PALLD: variants seen among roughly 807,000 people sequenced by gnomAD.
The protein encoded by PALLD is palladin, cytoskeletal associated protein.
PALLD carries 61 observed loss-of-function variants against 123.5 expected under a neutral mutation model. The ratio of observed to expected loss-of-function variants is 0.49; its 90% CI spans 0.40 to 0.61. The LOEUF (loss-of-function observed/expected upper bound fraction) is 0.61. Ranked by LOEUF, PALLD falls within the 20% of genes least tolerant of loss-of-function variation. PALLD has a pLI of 0.00. For synonymous variants in PALLD, 465 were observed against 496.4 expected, an observed-to-expected ratio of 0.94 and a Z score of 0.84; for missense variants, 1,273 against 1,377.0, an observed-to-expected ratio of 0.92 and a Z score of 1.20.
intron 2 of PALLD, among the ~76,000 whole-genome samples, chr4:168,518,371 C>T (rs11132280): frequency 0.74 from 112,559 of 152,060 alleles, 41,877 homozygotes; most frequent in East Asian, 0.86. Context: ...CATGAAATCA[C>T]TATCACAGCA....
At chr4:168,642,279 T>A (rs981782329) in intron 2 of PALLD, among the ~76,000 whole-genome samples, 16 of 152,218 alleles carry the variant, frequency 1.1e-4, no homozygotes, top group Non-Finnish European at 2.2e-4. Context: ...AACAGAGTGG[T>A]TGAAAATTGA....
intron 10 of PALLD, among the ~76,000 whole-genome samples, chr4:168,883,292 A>G (rs1426251062): frequency 1.3e-5 from 2 of 152,178 alleles, no homozygotes; most frequent in African/African-American, 4.8e-5. Context: ...GATATACAAA[A>G]GCTCAGTTTG....
chr4:168,663,937 C>T (rs1043435807), intron 2 of PALLD, among the ~76,000 whole-genome samples: 2 of 152,118 alleles, frequency 1.3e-5, no homozygotes, highest in South Asian at 2.1e-4. Context: ...ATTATCAGCC[C>T]CACATTACTT....
chr4:168,744,606 A>T (rs892908912), intron 10 of PALLD, among the ~76,000 whole-genome samples: 1 of 152,244 alleles, frequency 6.6e-6, no homozygotes, highest in East Asian at 1.9e-4. Flanking sequence ...GACAAGAGGC[A>T]TTAAGTGATT....
intron 3 of PALLD, among the ~76,000 whole-genome samples, chr4:168,674,083 T>G (rs1580885423): frequency 6.6e-6 from 1 of 151,994 alleles, no homozygotes; most frequent in South Asian, 2.1e-4. Flanking sequence ...CCCGGCTAAT[T>G]TTTGTATTTT....
At chr4:168,643,022 AG>A (rs1777108647) in intron 2 of PALLD, among the ~76,000 whole-genome samples, 1 of 152,228 alleles carries the variant, frequency 6.6e-6, no homozygotes, top group African/African-American at 2.4e-5. Flanking sequence ...CCAGCTGTAG[AG>A]CCTTAGAATG....
intron 10 of PALLD, among the ~76,000 whole-genome samples, chr4:168,883,455 G>A (rs1159399761): frequency 6.6e-6 from 1 of 152,148 alleles, no homozygotes; most frequent in Non-Finnish European, 1.5e-5. Flanking sequence ...TAGAATAAGA[G>A]GACTTGTAAT....
In PALLD at chr4:168,925,767, C is replaced by T. The variant is rs114759600; in HGVS notation, c.*33-446C>T. Among the ~76,000 whole-genome samples the T allele has an allele frequency of 4.5e-3, 681 of 152,248 alleles. 8 individuals are homozygous for T. Among genetic ancestry groups the T allele is most frequent in the African/African-American group, 0.016 (648 of 41,540 alleles). ...CTTCTTGAAATAACTATGTGAGGGT[C>T]ATCAAGAAATGTGTGGCCTCAACCT... On this transcript the variant is annotated intron_variant, in intron 21 of 21. Coordinates refer to ENST00000505667, the MANE Select transcript of PALLD (RefSeq NM_001166108.2).
chr4:168,523,200 C>A (rs13141538), intron 2 of PALLD, among the ~76,000 whole-genome samples: 1 of 116,170 alleles, frequency 8.6e-6, no homozygotes, highest in African/African-American at 3.6e-5. Context: ...GGAGGAGAAT[C>A]TTTGAGAACG....
intron 2 of PALLD, among the ~76,000 whole-genome samples, chr4:168,516,447 ATATTTTTAAAGGTATTTATT>A (rs1762997010): frequency 6.6e-6 from 1 of 152,162 alleles, no homozygotes; most frequent in Non-Finnish European, 1.5e-5. Flanking sequence ...AGGAGGCCTT[ATATTTTTAAAGGTATTTATT>A]TATTTTTAAA....
chr4:168,844,293 GC>G lies in PALLD; in HGVS notation c.1965-46628del, dbSNP rs1267399100. The G allele has an allele frequency of 2.0e-5, 3 of 152,196 alleles. No individual in the cohort carries two copies. The highest frequency in any genetic ancestry group is 4.4e-5 in the Non-Finnish European group (3 of 68,046). The allele number at this position is 152,196 out of a possible 1,614,324, so 9.4% of individuals were successfully genotyped here. A position where few individuals can be genotyped will look rare whatever the true frequency, so the allele number is the denominator to read the frequency against. On this transcript the variant is annotated intron_variant, in intron 10 of 21. Coordinates refer to ENST00000505667, the MANE Select transcript of PALLD (RefSeq NM_001166108.2). The surrounding 1 kb of genome is among the most constrained non-coding windows in gnomAD (Gnocchi z 4.5). ...TTTTCTACCCAAGTCCAAGTGAACT[GC>G]TTTATCCATTTAGTCAATACATATT...
intron 2 of PALLD, among the ~76,000 whole-genome samples, chr4:168,614,567 C>T (rs1328447134): frequency 6.6e-6 from 1 of 152,154 alleles, no homozygotes; most frequent in Non-Finnish European, 1.5e-5. Flanking sequence ...ATCATGCATA[C>T]TTTTACAAGT....
chr4:168,629,625 C>G (rs897773611), intron 2 of PALLD, among the ~76,000 whole-genome samples: 29 of 152,182 alleles, frequency 1.9e-4, no homozygotes, highest in African/African-American at 6.8e-4. Context: ...ACAAGCTCCC[C>G]CACCCTCCCA....
chr4:168,916,098 C>G, intron 17 of PALLD, 71 bp downstream of exon 17: 1 of 1,417,436 alleles, frequency 7.1e-7, no homozygotes, highest in Non-Finnish European at 9.9e-7. Context: ...TCTATAGTTC[C>G]TTTTGGGGAA....
intron 15 of PALLD, among the ~76,000 whole-genome samples, chr4:168,910,483 A>T (rs1242870931): frequency 6.6e-6 from 1 of 152,178 alleles, no homozygotes; most frequent in Non-Finnish European, 1.5e-5. Context: ...TTCTAATACC[A>T]AGAAAAATAA....
intron 10 of PALLD, chr4:168,712,151 A>T (rs1784892536): frequency 1.7e-6 from 1 of 586,294 alleles, no homozygotes; most frequent in African/African-American, 1.9e-5. Context: ...ATAACTGGTT[A>T]TGGCTGTGAA....
chr4:168,852,438 GAAAC>G (rs766848037), intron 10 of PALLD, among the ~76,000 whole-genome samples: 2 of 152,080 alleles, frequency 1.3e-5, no homozygotes, highest in Non-Finnish European at 2.9e-5. Context: ...GAAAAGAAAA[GAAAC>G]AAACAAAAAC....
chr4:168,651,258 T>C (rs1490621503), intron 2 of PALLD, among the ~76,000 whole-genome samples: 1 of 152,132 alleles, frequency 6.6e-6, no homozygotes, highest in Admixed American at 6.5e-5. Flanking sequence ...GGCTCAAGAG[T>C]GTTGGGCAAA....
intron 13 of PALLD, 83 bp from the exon 14 acceptor site, chr4:168,898,410 A>G (rs1417110845): frequency 5.9e-6 from 5 of 844,220 alleles, no homozygotes; most frequent in African/African-American, 1.7e-5. Flanking sequence ...ACTGTCTTCT[A>G]GGGCCTTATT....
Sources: gnomAD v4.1 joint callset for allele counts (sites outside exome capture counted in the v4.1 genomes callset) on GRCh38, gnomAD v4.1.1 for gene constraint, Gnocchi (gnomAD v3.1) non-coding constraint, MANE v1.5 for transcripts, NCBI Gene and HGNC (gene_info 2026-07-23, HGNC 2026-07-21) for gene names.